PIEZO2: variants seen among roughly 807,000 people sequenced by gnomAD.
PIEZO2 encodes piezo-type mechanosensitive ion channel component 2.
Under a neutral mutation model 337.3 loss-of-function variants are expected in PIEZO2, and 172 were observed. The ratio of observed to expected loss-of-function variants is 0.51; its 90% confidence interval spans 0.45 to 0.58. The LOEUF is 0.58. Among genes scored for constraint, PIEZO2 ranks in the 20% least tolerant of loss-of-function variants. The pLI, the probability that PIEZO2 is intolerant of heterozygous loss-of-function variation, is 0.00. For synonymous variants in PIEZO2, 1,251 were observed against 1,228.5 expected, an observed-to-expected ratio of 1.02 and a Z score of -0.38; for missense variants, 3,028 against 3,391.3, an observed-to-expected ratio of 0.89 and a Z score of 2.66.
chr18:10,973,679 G>A lies in PIEZO2; in HGVS notation c.286+5856C>T, dbSNP rs959264186. On this transcript the variant is annotated intron_variant, in intron 3 of 55. Coordinates refer to ENST00000674853, the MANE Select transcript of PIEZO2 (RefSeq NM_001378183.1). The surrounding 1 kb of genome is among the most constrained non-coding windows in gnomAD (Gnocchi z 4.9). ...TGGCCCGAGGAGAGAAGAAGGCTGTGTGTTGTGCCTGAATGAGTTAGGGAA... is the reference window on the plus strand; with the variant it reads ...TGGCCCGAGGAGAGAAGAAGGCTGTATGTTGTGCCTGAATGAGTTAGGGAA... Among the ~76,000 whole-genome samples the A allele has an allele frequency of 6.6e-6, 1 of 152,188 alleles. No homozygotes were observed. Among genetic ancestry groups the A allele is most frequent in the Non-Finnish European group, 1.5e-5 (1 of 68,038 alleles).
In PIEZO2 at chr18:10,962,572, T is replaced by G. The variant is rs2033826570; in HGVS notation, c.286+16963A>C. Among the ~76,000 whole-genome samples the G allele has an allele frequency of 6.6e-6, 1 of 152,210 alleles. No individual in the cohort carries two copies. The highest frequency in any genetic ancestry group is 6.5e-5 in the Admixed American group (1 of 15,288). On this transcript the variant is annotated intron_variant, in intron 3 of 55. Coordinates refer to ENST00000674853, the MANE Select transcript of PIEZO2 (RefSeq NM_001378183.1). The surrounding 1 kb of genome is among the most constrained non-coding windows in gnomAD (Gnocchi z 4.1). The stretch of plus-strand genomic sequence containing the variant: ...TCACTTCAGGTGACTTTATTTCATG[T>G]TGCTCTAGACCAGGCATTTTTGCCT...
intron 3 of PIEZO2, among the ~76,000 whole-genome samples, chr18:10,976,409 G>T (rs1178715530): frequency 1.3e-5 from 2 of 152,178 alleles, no homozygotes; most frequent in African/African-American, 4.8e-5. Flanking sequence ...CCTATGGCTG[G>T]AAGTAAAACA....
rs1168934911 is a variant in PIEZO2, at chr18:10,894,440, G to A, written c.329+16746C>T. 1.3e-5 allele frequency: 2 copies of A among 152,058 alleles called. No homozygotes were observed. The highest frequency in any genetic ancestry group is 4.8e-5 in the African/African-American group (2 of 41,382). 9.4% of individuals were successfully genotyped at this position (152,058 alleles called of 1,614,324 possible). On this transcript the variant is annotated intron_variant, in intron 4 of 55. Transcript: ENST00000674853. The surrounding 1 kb of genome is among the most constrained non-coding windows in gnomAD (Gnocchi z 4.1). Reference sequence around the variant, plus strand: ...CTTAACTCCAGCCTGGGCAATAAGAGCAAAACTCCGTCCCAAAAAAAGAAA... The same window carrying A: ...CTTAACTCCAGCCTGGGCAATAAGAACAAAACTCCGTCCCAAAAAAAGAAA...
At chr18:11,063,109 G>A (rs894441767) in intron 2 of PIEZO2, among the ~76,000 whole-genome samples, 5 of 151,724 alleles carry the variant, frequency 3.3e-5, no homozygotes, top group Admixed American at 2.0e-4. Flanking sequence ...TTATAAAAAA[G>A]GATGAGTTCA....
chr18:10,802,541 A>G (rs1351172450), intron 9 of PIEZO2, among the ~76,000 whole-genome samples: 1 of 152,216 alleles, frequency 6.6e-6, no homozygotes, highest in East Asian at 1.9e-4. Context: ...TTGCATATCT[A>G]TTTAATGTCT....
At chr18:10,948,637 T>G (rs1507055) in intron 3 of PIEZO2, among the ~76,000 whole-genome samples, 57,571 of 151,964 alleles carry the variant, frequency 0.38, 12,277 homozygotes, top group Non-Finnish European at 0.49. Context: ...TGCTGTGGGG[T>G]ACTGTGTGCA....
rs1324127803 is a variant in PIEZO2 at position 10,953,966 on chromosome 18, G to A, written c.286+25569C>T. On this transcript the variant is annotated intron_variant, in intron 3 of 55. Coordinates refer to ENST00000674853, the MANE Select transcript of PIEZO2 (RefSeq NM_001378183.1). The surrounding 1 kb of genome is among the most constrained non-coding windows in gnomAD (Gnocchi z 5.2). Reference sequence around the variant, plus strand: ...TCTGTCAGATTGAGGACCAGGTGGTGTGCAGCTGGTTCAGCACAGGGTCAC... The same window carrying A: ...TCTGTCAGATTGAGGACCAGGTGGTATGCAGCTGGTTCAGCACAGGGTCAC... Among the ~76,000 whole-genome samples, 2 of 152,340 alleles carry A rather than the reference G, an allele frequency of 1.3e-5. No homozygotes were observed. Among genetic ancestry groups the A allele is most frequent in the Non-Finnish European group, 2.9e-5 (2 of 68,040 alleles).
In PIEZO2 at chr18:10,748,785, A is replaced by G. The variant is rs2037526833; in HGVS notation, c.4265-155T>C. Among the ~76,000 whole-genome samples the G allele has an allele frequency of 6.6e-6, 1 of 152,202 alleles. No individual in the cohort carries two copies. The highest frequency in any genetic ancestry group is 2.4e-5 in the African/African-American group (1 of 41,458). ...TATGAGTTGATTTATTTACAAGGAGATCACACACTTCCAATCCAATATCAA... is the reference window on the plus strand; with the variant it reads ...TATGAGTTGATTTATTTACAAGGAGGTCACACACTTCCAATCCAATATCAA... On this transcript the variant is annotated intron_variant, in intron 29 of 55. Coordinates refer to ENST00000674853, the MANE Select transcript of PIEZO2 (RefSeq NM_001378183.1). This position sits in a 1 kb window ranked among gnomAD's most constrained non-coding sequence, Gnocchi z 5.1.
intron 2 of PIEZO2, among the ~76,000 whole-genome samples, chr18:11,020,969 A>C (rs578155301): frequency 6.6e-4 from 101 of 152,378 alleles, no homozygotes; most frequent in Middle Eastern, 3.4e-3. Flanking sequence ...TGAAAGGTAC[A>C]AAAAGCAGAT....
chr18:10,704,859 G>T (rs1374157967), intron 41 of PIEZO2, among the ~76,000 whole-genome samples: 2 of 151,832 alleles, frequency 1.3e-5, no homozygotes, highest in African/African-American at 4.8e-5. Context: ...TAATTTTTTT[G>T]TGTGTATTTT....
chr18:10,797,207 A>G (rs112259470), intron 12 of PIEZO2, among the ~76,000 whole-genome samples, 167 bp downstream of exon 12: 2 of 108,430 alleles, frequency 1.8e-5, no homozygotes, highest in Non-Finnish European at 4.7e-5. Context: ...CCATCATATC[A>G]TATCTTACAT....
chr18:10,771,936 T>C (rs2038616890), intron 20 of PIEZO2, among the ~76,000 whole-genome samples: 2 of 152,188 alleles, frequency 1.3e-5, no homozygotes, highest in South Asian at 2.1e-4. Context: ...TTCAAGTCAC[T>C]CTTATTTTAC....
chr18:10,760,981 T>C lies in PIEZO2; in HGVS notation c.3380A>G (p.His1127Arg), dbSNP rs2038103015. Reference protein sequence around the residue: ...RTIFHDITRLHLDDGLINCAK... With the variant: ...RTIFHDITRLRLDDGLINCAK... ...ACAATTAATAAGTCCATCATCTAGATGTAGTCTTGTAATGTCATGAAAGAT... is the reference window on the plus strand; with the variant it reads ...ACAATTAATAAGTCCATCATCTAGACGTAGTCTTGTAATGTCATGAAAGAT... Residue 1127 changes from histidine (H) to arginine (R), a missense_variant, in exon 24 of 56, where the codon CAT becomes CGT. By Grantham distance (29) the His-to-Arg change is conservative. Coordinates refer to ENST00000674853, the MANE Select transcript of PIEZO2 (RefSeq NM_001378183.1). 1.3e-6 allele frequency: 2 copies of C among 1,534,258 alleles called. No homozygotes were observed. Among genetic ancestry groups the C allele is most frequent in the South Asian group, 1.2e-5 (1 of 84,006 alleles).
intron 4 of PIEZO2, chr18:10,890,521 T>C (rs1022306490): frequency 6.6e-6 from 1 of 152,216 alleles, no homozygotes; most frequent in East Asian, 1.9e-4. Flanking sequence ...CTTAAAATCA[T>C]GGCAGAAGAA....
Position 11,131,130 on chromosome 18 carries a change from T to C in PIEZO2, c.64+17395A>G, listed in dbSNP as rs1053457057. ...AGACAGCTCTTGGCTGACACTGGAC[T>C]TTGGTGGAAACTGAATGTTTGACTA... On this transcript the variant is annotated intron_variant, in intron 1 of 55. Coordinates refer to ENST00000674853, the MANE Select transcript of PIEZO2 (RefSeq NM_001378183.1). This position sits in a 1 kb window ranked among gnomAD's most constrained non-coding sequence, Gnocchi z 5.3. Among the ~76,000 whole-genome samples, 6 of 152,206 alleles carry C rather than the reference T, an allele frequency of 3.9e-5. No individual in the cohort carries two copies. The highest frequency in any genetic ancestry group is 7.3e-5 in the Non-Finnish European group (5 of 68,036).
chr18:10,806,787 T>C (rs891726740), intron 8 of PIEZO2, among the ~76,000 whole-genome samples: 19 of 152,236 alleles, frequency 1.2e-4, no homozygotes, highest in African/African-American at 4.3e-4. Flanking sequence ...CCTATTCTAT[T>C]GATCAGAGTT....
intron 5 of PIEZO2, among the ~76,000 whole-genome samples, chr18:10,866,709 T>G (rs2042017470): frequency 6.6e-6 from 1 of 152,174 alleles, no homozygotes; most frequent in South Asian, 2.1e-4. Flanking sequence ...GGGATGTGGC[T>G]GGAAGACTCT....
chr18:10,693,190 A>G (rs9954847), intron 47 of PIEZO2, among the ~76,000 whole-genome samples: 53,129 of 152,014 alleles, frequency 0.35, 9,315 homozygotes, highest in Non-Finnish European at 0.38. Flanking sequence ...AGCATTTATT[A>G]CTTGCATATA....
chr18:10,936,852 G>A (rs1231793165), intron 3 of PIEZO2, among the ~76,000 whole-genome samples: 1 of 152,226 alleles, frequency 6.6e-6, no homozygotes, highest in Admixed American at 6.5e-5. Context: ...CCAGTGTGCA[G>A]CTCGTCTGGC....
Sources: allele counts gnomAD v4.1 joint callset (sites outside exome capture counted in the v4.1 genomes callset), GRCh38; gene constraint gnomAD v4.1.1; non-coding constraint Gnocchi (gnomAD v3.1); transcripts MANE v1.5; gene names NCBI Gene and HGNC (gene_info 2026-07-23, HGNC 2026-07-21).